PCDH9: variants seen among roughly 807,000 people sequenced by gnomAD.
The protein encoded by PCDH9 is protocadherin-9.
Under a neutral mutation model 70.6 loss-of-function variants are expected in PCDH9, and 24 were observed. That is an observed-to-expected ratio of 0.34 (90% CI 0.25 to 0.48). PCDH9 has a LOEUF of 0.48. Ranked by LOEUF, PCDH9 falls within the 20% of genes least tolerant of loss-of-function variation. PCDH9 has a pLI of 0.99. For synonymous variants in PCDH9, 562 were observed against 558.5 expected (o/e 1.01, Z -0.09); for missense variants, 1,281 against 1,503.6 (o/e 0.85, Z 2.45).
rs144752065 is a variant in PCDH9, at chr13:66,693,367, C to T, written c.3139-61956G>A. 8.6e-4 allele frequency among the ~76,000 whole-genome samples: 130 copies of T among 151,942 alleles called. 1 individual carries two copies. The highest frequency in any genetic ancestry group is 7.6e-3 in the Admixed American group (116 of 15,248). ...TTTTATATTATACTAAGAAAAAACA[C>T]TTTGATCTAAGATATTTACAGAACC... On this transcript the variant is annotated intron_variant, in intron 3 of 4. Coordinates refer to ENST00000377865, the MANE Select transcript of PCDH9 (RefSeq NM_203487.3).
At chr13:66,625,372 T>C (rs559076815) in intron 4 of PCDH9, among the ~76,000 whole-genome samples, 1 of 152,288 alleles carries the variant, frequency 6.6e-6, no homozygotes, top group South Asian at 2.1e-4. Flanking sequence ...GTATATTGCA[T>C]TTCCTGTAAG....
At chr13:66,778,794 A>G (rs1297806718) in intron 3 of PCDH9, among the ~76,000 whole-genome samples, 2 of 152,212 alleles carry the variant, frequency 1.3e-5, no homozygotes, top group African/African-American at 4.8e-5. Context: ...GGCTGGATTC[A>G]AACTCAAGCC....
At chr13:66,417,169 C>T (rs1372120325) in intron 4 of PCDH9, among the ~76,000 whole-genome samples, 1 of 152,106 alleles carries the variant, frequency 6.6e-6, no homozygotes, top group Non-Finnish European at 1.5e-5. Context: ...AATGCTATTC[C>T]TCCCCCTTAC....
chr13:66,402,634 A>G (rs1410505439), intron 4 of PCDH9, among the ~76,000 whole-genome samples: 1 of 152,146 alleles, frequency 6.6e-6, no homozygotes, highest in Non-Finnish European at 1.5e-5. Context: ...TTATAAATTC[A>G]AATTCTTATT....
intron 4 of PCDH9, among the ~76,000 whole-genome samples, chr13:66,328,573 C>G (rs539513220): frequency 6.6e-6 from 1 of 152,284 alleles, no homozygotes; most frequent in East Asian, 1.9e-4. Context: ...ACTGAGCACT[C>G]AAGCAACCTT....
At chr13:66,428,644 A>C (rs2138369082) in intron 4 of PCDH9, among the ~76,000 whole-genome samples, 1 of 151,866 alleles carries the variant, frequency 6.6e-6, no homozygotes, top group South Asian at 2.1e-4. Context: ...AGCTTCTATA[A>C]GGATTGTATA....
chr13:66,656,459 C>G (rs1387961060), intron 3 of PCDH9, among the ~76,000 whole-genome samples: 1 of 151,480 alleles, frequency 6.6e-6, no homozygotes, highest in African/African-American at 2.4e-5. Context: ...CAAATTTGTT[C>G]TTTCATAAAG....
At chr13:67,022,646 G>A (rs1293104550) in intron 2 of PCDH9, among the ~76,000 whole-genome samples, 1 of 152,122 alleles carries the variant, frequency 6.6e-6, no homozygotes, top group Non-Finnish European at 1.5e-5. Context: ...CTTTCTTTAA[G>A]GAAACAGTAT....
chr13:66,331,791 A>C (rs1369498632), intron 4 of PCDH9, among the ~76,000 whole-genome samples: 1 of 152,194 alleles, frequency 6.6e-6, no homozygotes, highest in African/African-American at 2.4e-5. Context: ...CTCAGAACTT[A>C]GGAACAACAA....
chr13:67,216,973 C>T (rs2138103327), intron 2 of PCDH9: 1 of 151,884 alleles, frequency 6.6e-6, no homozygotes, highest in East Asian at 1.9e-4. Context: ...ACTCACAACT[C>T]AGAACTCACT....
At chr13:66,464,399 T>C (rs1420505965) in intron 4 of PCDH9, among the ~76,000 whole-genome samples, 1 of 151,902 alleles carries the variant, frequency 6.6e-6, no homozygotes, top group Non-Finnish European at 1.5e-5. Flanking sequence ...ATGTACCTGC[T>C]GAGCAGAACA....
At chr13:67,040,334 C>T (rs1044615213) in intron 2 of PCDH9, among the ~76,000 whole-genome samples, 3 of 152,192 alleles carry the variant, frequency 2.0e-5, no homozygotes, top group South Asian at 2.1e-4. Flanking sequence ...TGAAACTGCT[C>T]GTGGTGGTAA....
At chr13:66,698,895 CTTTTTTTT>C (rs67333897) in intron 3 of PCDH9, among the ~76,000 whole-genome samples, 4 of 61,132 alleles carry the variant, frequency 6.5e-5, no homozygotes, top group Admixed American at 2.4e-4. Context: ...CTCAATTCCT[CTTTTTTTT>C]TTTTTTTTTT....
At chr13:66,569,288 G>T (rs2076699391) in intron 4 of PCDH9, among the ~76,000 whole-genome samples, 1 of 151,782 alleles carries the variant, frequency 6.6e-6, no homozygotes, top group East Asian at 1.9e-4. Context: ...AAAGTTCTGG[G>T]ATTACAGGCA....
chr13:66,349,380 A>G (rs1180771587), intron 4 of PCDH9, among the ~76,000 whole-genome samples: 3 of 152,176 alleles, frequency 2.0e-5, no homozygotes, highest in African/African-American at 7.2e-5. Flanking sequence ...CTGCTGTAGG[A>G]TATTTGAGAC....
chr13:66,462,514 G>T (rs1958443716), intron 4 of PCDH9, among the ~76,000 whole-genome samples: 1 of 151,738 alleles, frequency 6.6e-6, no homozygotes, highest in African/African-American at 2.4e-5. Flanking sequence ...TACAACAATG[G>T]TTTCCAAAAT....
intron 2 of PCDH9, among the ~76,000 whole-genome samples, chr13:67,096,130 A>T (rs956225997): frequency 1.3e-5 from 2 of 152,144 alleles, no homozygotes; most frequent in African/African-American, 4.8e-5. Context: ...TTTGGGGAAA[A>T]CACTTACTTA....
intron 3 of PCDH9, among the ~76,000 whole-genome samples, chr13:66,855,867 C>T (rs576243692): frequency 4.0e-5 from 6 of 151,850 alleles, no homozygotes; most frequent in African/African-American, 1.4e-4. Context: ...AAAAATGAGA[C>T]ATTTTTATCA....
rs754877356 is a variant in PCDH9 at position 67,227,020 on chromosome 13, A to G, written c.1421T>C (p.Ile474Thr). ...GTTGTTTTCAGAAACTGACAGCTCA[A>G]TTACAGGCTGGTTGAAAATTGGTGG... ...DNPPIFNQPV[I>T]ELSVSENNRR... The change falls in exon 2 of 5, where the codon ATT (isoleucine) becomes ACT (threonine). Residue 474 changes from isoleucine to threonine, a missense_variant. By Grantham distance (89) the Ile-to-Thr change is moderately conservative. Around this residue, in one of 4 missense-constraint regions of PCDH9, gnomAD observed 798 missense variants for 1,003.1 expected, o/e 0.80. Transcript: ENST00000377865. The surrounding 1 kb of genome is among the most constrained non-coding windows in gnomAD (Gnocchi z 4.6). 5.0e-6 allele frequency: 8 copies of G among 1,614,068 alleles called. No homozygotes were observed. Among genetic ancestry groups the G allele is most frequent in the Non-Finnish European group, 5.9e-6 (7 of 1,180,024 alleles).
Sources: gnomAD v4.1 joint callset for allele counts (sites outside exome capture counted in the v4.1 genomes callset) on GRCh38, gnomAD v4.1.1 for gene constraint, gnomAD v4.1.1 regional missense constraint, Gnocchi (gnomAD v3.1) non-coding constraint, MANE v1.5 for transcripts, NCBI Gene and HGNC (gene_info 2026-07-23, HGNC 2026-07-21) for gene names.